Variants in DERL1 observed in about 807,000 individuals in gnomAD.
The protein encoded by DERL1 is derlin-1.
A neutral mutation model predicts 41.6 loss-of-function variants in DERL1; 24 were observed. That is an observed-to-expected ratio of 0.58 (90% confidence interval 0.42 to 0.81). The LOEUF (loss-of-function observed/expected upper bound fraction) is 0.81. Ranked by LOEUF, DERL1 falls within the 30% of genes least tolerant of loss-of-function variation. The probability of loss-of-function intolerance (pLI) is 0.00; values close to 1 mark genes in which losing one functional copy is unlikely to be tolerated. For synonymous variants in DERL1, 124 were observed against 112.5 expected (o/e 1.10, Z -0.65); for missense variants, 260 against 314.3 (o/e 0.83, Z 1.31).
chr8:123,039,989 G>C (rs896774187), intron 1 of DERL1, among the ~76,000 whole-genome samples: 1 of 152,190 alleles, frequency 6.6e-6, no homozygotes, highest in Non-Finnish European at 1.5e-5. Context: ...AGGCTGAGGC[G>C]GGTGGATCAC....
chr8:123,042,288 G>A lies in DERL1; in HGVS notation c.-166C>T. 1.1e-6 allele frequency: 1 copy of A among 939,096 alleles called. No individual in the cohort carries two copies. 58.2% of individuals were successfully genotyped at this position (939,096 alleles called of 1,614,324 possible). On this transcript the variant is annotated 5_prime_UTR_variant, in exon 1 of 8. Transcript: ENST00000259512. ...ACGTGGCGCCACCGAATTCGGACCA[G>A]CGAGGCAGCCTTCTGAGGCGAAACT...
At chr8:123,024,454 T>C (rs960994810) in intron 3 of DERL1, among the ~76,000 whole-genome samples, 1 of 152,136 alleles carries the variant, frequency 6.6e-6, no homozygotes, top group Non-Finnish European at 1.5e-5. Context: ...GCTCTCACCA[T>C]CTGTAAGAGT....
At chr8:123,024,868 G>A (rs753476905) in intron 3 of DERL1, 118 bp downstream of exon 3, 17 of 971,802 alleles carry the variant, frequency 1.7e-5, no homozygotes, top group Admixed American at 2.9e-5. Context: ...TCTTATTAAC[G>A]GTAGTCAACC....
At chr8:123,023,835 GC>G in intron 3 of DERL1, 96 bp from the exon 4 acceptor site, 2 of 1,405,888 alleles carry the variant, frequency 1.4e-6, no homozygotes, top group Non-Finnish European at 2.0e-6. Context: ...AGTTCACTTG[GC>G]CAGGTGTAAT....
intron 7 of DERL1, chr8:123,018,875 G>A (rs1270781014): frequency 8.8e-6 from 3 of 340,262 alleles, no homozygotes; most frequent in Non-Finnish European, 1.6e-5. Flanking sequence ...CTGTGACTCT[G>A]CCCATTCACC....
chr8:123,029,737 C>T (rs6470128), intron 2 of DERL1, among the ~76,000 whole-genome samples: 95,979 of 152,004 alleles, frequency 0.63, 30,608 homozygotes, highest in South Asian at 0.71. Context: ...GACACTTTTA[C>T]GAAAAGATTT....
At chr8:123,038,900 T>C (rs1356123274) in intron 1 of DERL1, among the ~76,000 whole-genome samples, 1 of 152,192 alleles carries the variant, frequency 6.6e-6, no homozygotes, top group Non-Finnish European at 1.5e-5. Flanking sequence ...CCTCGCCACA[T>C]GGATGCCTGA....
At chr8:123,030,130 A>T (rs1391509493) in intron 2 of DERL1, 1 of 152,336 alleles carries the variant, frequency 6.6e-6, no homozygotes, top group Non-Finnish European at 1.5e-5. Flanking sequence ...TATATTATTA[A>T]ATCTTGGCTA....
At position 123,025,034 on chromosome 8, in the gene DERL1, C is replaced by A; in HGVS notation, c.282G>T (p.Arg94Ser). 1 of 1,613,632 alleles carries A rather than the reference C, an allele frequency of 6.2e-7. No individual in the cohort carries two copies. The highest frequency in any genetic ancestry group is 8.5e-7 in the Non-Finnish European group (1 of 1,179,824). ...GGAGCATGAATAAATAGTCTGCTGG[C>A]CTCCCATCAAAAGCTCCTGGAAACA... ...TRLETGAFDG[R>S]PADYLFMLLF... The change falls in exon 3 of 8, where the codon AGG becomes AGT. Residue 94 changes from arginine (R) to serine (S), a missense_variant. Arg to Ser is a moderately radical substitution (Grantham distance 110). Coordinates refer to ENST00000259512, the MANE Select transcript of DERL1 (RefSeq NM_024295.6).
At chr8:123,041,921 G>A (rs1813084594) in intron 1 of DERL1, 49 bp downstream of exon 1, 3 of 1,518,928 alleles carry the variant, frequency 2.0e-6, no homozygotes, top group Admixed American at 2.2e-5. Context: ...AGCCGCCGCT[G>A]GGCCTCCTGG....
chr8:123,033,769 G>C (rs1812867378), intron 1 of DERL1, among the ~76,000 whole-genome samples: 1 of 152,118 alleles, frequency 6.6e-6, no homozygotes, highest in African/African-American at 2.4e-5. Flanking sequence ...TGAGCTTCTT[G>C]GGCTTTCCAA....
At chr8:123,025,118 A>G in intron 2 of DERL1, 68 bp from the exon 3 acceptor site, 3 of 1,506,698 alleles carry the variant, frequency 2.0e-6, no homozygotes, top group Non-Finnish European at 2.7e-6. Flanking sequence ...TACATAGAGA[A>G]ACACTTCAAA....
chr8:123,015,778 C>T (rs550257357), intron 7 of DERL1, 193 bp from the exon 8 acceptor site: 10 of 540,112 alleles, frequency 1.9e-5, no homozygotes, highest in Admixed American at 8.3e-5. Flanking sequence ...AGACGGCATT[C>T]GTTTTTCATG....
At chr8:123,031,624 A>G (rs1812818898) in intron 1 of DERL1, among the ~76,000 whole-genome samples, 1 of 152,204 alleles carries the variant, frequency 6.6e-6, no homozygotes, top group Non-Finnish European at 1.5e-5. Flanking sequence ...CCAGTCTCCC[A>G]GTTCCCCAAC....
chr8:123,041,844 C>T, intron 1 of DERL1, 126 bp downstream of exon 1: 1 of 1,341,672 alleles, frequency 7.5e-7, no homozygotes, highest in Non-Finnish European at 9.8e-7. Flanking sequence ...CGCCCTAAAC[C>T]GCCGGCGCCG....
rs145083623 is a variant in DERL1 at position 123,014,573 on chromosome 8, ATCC to A, written c.*871_*873del. On this transcript the variant is annotated 3_prime_UTR_variant, in exon 8 of 8. Transcript: ENST00000259512. ...TCTCCCTGTAGCCAACATGATCTGG[ATCC>A]TCCTAACACAAAGCAACCCAACTAC... is the stretch of plus-strand genomic sequence containing the variant. The A allele has an allele frequency of 6.5e-6, 1 of 152,674 alleles. No individual in the cohort carries two copies. Among genetic ancestry groups the A allele is most frequent in the Non-Finnish European group, 1.5e-5 (1 of 68,046 alleles). 9.5% of individuals were successfully genotyped at this position (152,674 alleles called of 1,614,324 possible). A position where few individuals can be genotyped will look rare whatever the true frequency, so the allele number is the denominator to read the frequency against.
intron 1 of DERL1, among the ~76,000 whole-genome samples, chr8:123,040,854 G>C (rs552599212): frequency 6.6e-6 from 1 of 152,304 alleles, no homozygotes; most frequent in African/African-American, 2.4e-5. Flanking sequence ...TAAGGCAAAG[G>C]GGGAAAGGGG....
In DERL1 at chr8:123,022,715, A is replaced by G; in HGVS notation, c.422T>C (p.Ile141Thr). 6.2e-7 allele frequency: 1 copy of G among 1,614,176 alleles called. No homozygotes were observed. The highest frequency in any genetic ancestry group is 8.5e-7 in the Non-Finnish European group (1 of 1,180,010). ...TCGTGTTCCAAACCAAAATGATACAATCATGTCTCTGTTCAGCTGGGCCCA... is the reference window on the plus strand; with the variant it reads ...TCGTGTTCCAAACCAAAATGATACAGTCATGTCTCTGTTCAGCTGGGCCCA... ...YVWAQLNRDM[I>T]VSFWFGTRFK... The change falls in exon 5 of 8, where the codon ATT becomes ACT. Residue 141 changes from isoleucine (I) to threonine (T), a missense_variant. Physicochemically the swap from Ile to Thr is moderately conservative, Grantham distance 89 (BLOSUM62 -1). Coordinates refer to ENST00000259512, the MANE Select transcript of DERL1 (RefSeq NM_024295.6).
chr8:123,024,407 A>G (rs962895166), intron 3 of DERL1, among the ~76,000 whole-genome samples: 2 of 152,170 alleles, frequency 1.3e-5, no homozygotes, highest in Non-Finnish European at 2.9e-5. Flanking sequence ...GAGCTCACCA[A>G]TTTTGCACAG....
Sources: allele counts gnomAD v4.1 joint callset (sites outside exome capture counted in the v4.1 genomes callset), GRCh38; gene constraint gnomAD v4.1.1; transcripts MANE v1.5; gene names NCBI Gene and HGNC (gene_info 2026-07-23, HGNC 2026-07-21).